Variants in ALG14 observed in about 807,000 individuals in gnomAD.
ALG14 encodes UDP-N-acetylglucosamine transferase subunit ALG14.
ALG14 carries 17 observed loss-of-function variants against 22.8 expected under a neutral mutation model. The ratio of observed to expected loss-of-function variants is 0.75; its 90% CI spans 0.51 to 1.12. The LOEUF (loss-of-function observed/expected upper bound fraction) is 1.12. ALG14 is among the 50% of genes most tolerant of loss of function. ALG14 has a pLI of 0.00. For missense variants in ALG14, 288 were observed against 271.8 expected, an observed-to-expected ratio of 1.06 and a Z score of -0.42; for synonymous variants, 89 against 103.7, an observed-to-expected ratio of 0.86 and a Z score of 0.86.
intron 3 of ALG14, among the ~76,000 whole-genome samples, chr1:94,990,481 A>G (rs1290515555): frequency 6.6e-6 from 1 of 152,212 alleles, no homozygotes; most frequent in East Asian, 1.9e-4. Context: ...CTATCTATGA[A>G]CCCAAGGTCT....
chr1:95,030,049 A>C (rs898514407), intron 2 of ALG14, among the ~76,000 whole-genome samples: 2 of 152,214 alleles, frequency 1.3e-5, no homozygotes, highest in Non-Finnish European at 2.9e-5. Context: ...TAATTGAAAA[A>C]CAAGTAATAG....
intron 3 of ALG14, among the ~76,000 whole-genome samples, chr1:94,985,046 A>T (rs1396168291): frequency 6.6e-6 from 1 of 152,132 alleles, no homozygotes. Context: ...CAGAGGAGAA[A>T]AGGCAGGCAC....
At chr1:95,071,507 C>T (rs182150136) in intron 1 of ALG14, among the ~76,000 whole-genome samples, 205 of 152,198 alleles carry the variant, frequency 1.3e-3, no homozygotes, top group Admixed American at 2.9e-3. Flanking sequence ...TGCGCCACTG[C>T]CCTCCAGCCT....
chr1:95,068,739 C>A (rs1056586642), intron 1 of ALG14, among the ~76,000 whole-genome samples: 1 of 152,180 alleles, frequency 6.6e-6, no homozygotes, highest in Admixed American at 6.5e-5. Flanking sequence ...TGGCATGGTT[C>A]TTTCAGGCCC....
chr1:94,991,213 A>G (rs765415524), intron 3 of ALG14, among the ~76,000 whole-genome samples: 1 of 152,240 alleles, frequency 6.6e-6, no homozygotes, highest in Non-Finnish European at 1.5e-5. Flanking sequence ...TTGCCCTTGT[A>G]AGGTTTACAT....
Position 94,978,395 on chromosome 1 carries a change from T to G in ALG14, c.*4681A>C, listed in dbSNP as rs1401620101. On this transcript the variant is annotated 3_prime_UTR_variant, in exon 4 of 4. Coordinates refer to ENST00000370205, the MANE Select transcript of ALG14 (RefSeq NM_144988.4). ...ATGTATTTAATTAGTGCCTATGTTT[T>G]GTACAGAGCTGTGGTGTAAATACTA... The G allele has an allele frequency of 6.6e-6, 1 of 152,162 alleles. No homozygotes were observed. Among genetic ancestry groups the G allele is most frequent in the Non-Finnish European group, 1.5e-5 (1 of 68,034 alleles). The allele number at this position is 152,162 out of a possible 1,614,324, so 9.4% of individuals were successfully genotyped here.
rs575933536 is a variant in ALG14 at position 95,038,759 on chromosome 1, C to T, written c.289-11499G>A. Among the ~76,000 whole-genome samples, 95 of 147,108 alleles carry T rather than the reference C, an allele frequency of 6.5e-4. 2 individuals are homozygous for T. Among genetic ancestry groups the T allele is most frequent in the Non-Finnish European group, 7.4e-4 (50 of 67,364 alleles). On this transcript the variant is annotated intron_variant, in intron 2 of 3. Transcript: ENST00000370205. ...TTTGAGACAGGGTCTCCCTCTCTTG[C>T]CCAGGCTGGAGAGCAGCGGCATGAT...
At chr1:95,037,133 T>A (rs1192165112) in intron 2 of ALG14, among the ~76,000 whole-genome samples, 1 of 151,612 alleles carries the variant, frequency 6.6e-6, no homozygotes, top group Non-Finnish European at 1.5e-5. Flanking sequence ...TAAATGCACA[T>A]TTATTCTCTC....
chr1:95,053,366 T>A (rs1242585062), intron 2 of ALG14, among the ~76,000 whole-genome samples: 1 of 152,066 alleles, frequency 6.6e-6, no homozygotes, highest in African/African-American at 2.4e-5. Flanking sequence ...TTGAGCTTCA[T>A]AATGATTAAA....
chr1:95,061,239 C>T (rs1239136105), intron 2 of ALG14, among the ~76,000 whole-genome samples: 2 of 152,190 alleles, frequency 1.3e-5, no homozygotes, highest in East Asian at 3.9e-4. Flanking sequence ...GGCAAAAACC[C>T]AGTTTTGTTA....
chr1:94,975,229 T>A lies in ALG14; in HGVS notation c.*7847A>T, dbSNP rs377106276. The A allele has an allele frequency of 6.6e-6, 1 of 152,302 alleles. No individual in the cohort carries two copies. The highest frequency in any genetic ancestry group is 1.5e-5 in the Non-Finnish European group (1 of 68,090). 9.4% of individuals were successfully genotyped at this position (152,302 alleles called of 1,614,324 possible). On this transcript the variant is annotated 3_prime_UTR_variant, in exon 4 of 4. Transcript: ENST00000370205. Reference sequence around the variant, plus strand: ...GGACTTGCCTACTCTGGACATTTCATATGAATAGAATCATGCATTTGTTGT... The same window carrying A: ...GGACTTGCCTACTCTGGACATTTCAAATGAATAGAATCATGCATTTGTTGT...
rs181144281 is a variant in ALG14, at chr1:95,009,193, G to A, written c.420+17936C>T. Among the ~76,000 whole-genome samples the A allele has an allele frequency of 1.5e-3, 228 of 150,680 alleles. 1 individual carries two copies. Among genetic ancestry groups the A allele is most frequent in the Non-Finnish European group, 1.7e-3 (115 of 67,654 alleles). ...AGGAGTAAATTTGCTGGATCATATG[G>A]TAATTTTTTTATTTTTATATTTATA... is the stretch of plus-strand genomic sequence containing the variant. On this transcript the variant is annotated intron_variant, in intron 3 of 3. Transcript: ENST00000370205.
At chr1:94,995,814 C>T (rs995123051) in intron 3 of ALG14, among the ~76,000 whole-genome samples, 3 of 152,196 alleles carry the variant, frequency 2.0e-5, no homozygotes, top group African/African-American at 7.2e-5. Context: ...TGCATTCAGG[C>T]TTTCAAAGGT....
At chr1:94,988,286 G>A (rs140767440) in intron 3 of ALG14, among the ~76,000 whole-genome samples, 2 of 152,202 alleles carry the variant, frequency 1.3e-5, no homozygotes, top group African/African-American at 4.8e-5. Flanking sequence ...AGCAAAGTCA[G>A]GAAAATGCTT....
At chr1:95,035,288 T>C (rs1420772255) in intron 2 of ALG14, among the ~76,000 whole-genome samples, 1 of 152,244 alleles carries the variant, frequency 6.6e-6, no homozygotes. Flanking sequence ...TTCAATATAA[T>C]CCAGTCTCTT....
chr1:94,985,647 T>A (rs1672623129), intron 3 of ALG14, among the ~76,000 whole-genome samples: 1 of 152,226 alleles, frequency 6.6e-6, no homozygotes, highest in South Asian at 2.1e-4. Context: ...CATTTCAACA[T>A]CTAGTCAACT....
At chr1:94,998,484 A>G (rs1373899849) in intron 3 of ALG14, among the ~76,000 whole-genome samples, 1 of 152,248 alleles carries the variant, frequency 6.6e-6, no homozygotes, top group Non-Finnish European at 1.5e-5. Context: ...GTTAATTATA[A>G]GCAAGTGTGC....
At chr1:95,045,278 T>C (rs1674510055) in intron 2 of ALG14, among the ~76,000 whole-genome samples, 1 of 152,192 alleles carries the variant, frequency 6.6e-6, no homozygotes, top group Admixed American at 6.5e-5. Context: ...TACCTCTTAT[T>C]TCGACTTAGG....
intron 3 of ALG14, among the ~76,000 whole-genome samples, chr1:95,017,875 G>A (rs538899264): frequency 6.6e-6 from 1 of 152,340 alleles, no homozygotes; most frequent in South Asian, 2.1e-4. Context: ...GTCCTGGCAG[G>A]AGGTGAGCAG....
Sources: gnomAD v4.1 joint callset for allele counts (sites outside exome capture counted in the v4.1 genomes callset) on GRCh38, gnomAD v4.1.1 for gene constraint, MANE v1.5 for transcripts, NCBI Gene and HGNC (gene_info 2026-07-23, HGNC 2026-07-21) for gene names.